ABCC4: variants seen among roughly 807,000 people sequenced by gnomAD.
ABCC4 encodes the protein ATP binding cassette subfamily C member 4 (PEL blood group), also known as ATP-binding cassette sub-family C member 4.
In ABCC4, 102 loss-of-function variants were observed where a neutral mutation model predicts 168.5. The ratio of observed to expected loss-of-function variants is 0.61; its 90% CI spans 0.52 to 0.71. The LOEUF (loss-of-function observed/expected upper bound fraction) is 0.71, where lower values mean the gene tolerates loss of function less well. Ranked by LOEUF, ABCC4 falls within the 30% of genes least tolerant of loss-of-function variation. The pLI, the probability that ABCC4 is intolerant of heterozygous loss-of-function variation, is 0.00. For synonymous variants in ABCC4, 617 were observed against 590.7 expected, an observed-to-expected ratio of 1.04 and a Z score of -0.65; for missense variants, 1,402 against 1,605.8, an observed-to-expected ratio of 0.87 and a Z score of 2.17.
chr13:95,140,967 T>C (rs2036300510), intron 19 of ABCC4, among the ~76,000 whole-genome samples: 1 of 152,230 alleles, frequency 6.6e-6, no homozygotes, highest in South Asian at 2.1e-4. Flanking sequence ...CTTAACTGTG[T>C]TCTCACCAGC....
At chr13:95,182,059 G>C (rs2037914254) in intron 11 of ABCC4, among the ~76,000 whole-genome samples, 1 of 152,040 alleles carries the variant, frequency 6.6e-6, no homozygotes, top group African/African-American at 2.4e-5. Flanking sequence ...CAAAGTACTG[G>C]GATTACAGGT....
At chr13:95,081,228 TC>T (rs2034083686) in intron 21 of ABCC4, among the ~76,000 whole-genome samples, 1 of 150,686 alleles carries the variant, frequency 6.6e-6, no homozygotes, top group Non-Finnish European at 1.5e-5. Flanking sequence ...AGAGAGAAAA[TC>T]CTACACTGCT....
chr13:95,233,426 C>A (rs1036379898), intron 4 of ABCC4, among the ~76,000 whole-genome samples: 1 of 151,860 alleles, frequency 6.6e-6, no homozygotes, highest in Non-Finnish European at 1.5e-5. Context: ...GATGTTCTCA[C>A]TTATAAGTGG....
chr13:95,077,679 G>A (rs997686007), intron 21 of ABCC4, among the ~76,000 whole-genome samples: 12 of 138,794 alleles, frequency 8.6e-5, no homozygotes, highest in Middle Eastern at 3.6e-3. Flanking sequence ...TTTATAAAAT[G>A]ATGAGGGGGT....
At chr13:95,034,064 T>C (rs994130234) in intron 30 of ABCC4, among the ~76,000 whole-genome samples, 2 of 152,198 alleles carry the variant, frequency 1.3e-5, no homozygotes, top group African/African-American at 4.8e-5. Context: ...AGTGAGAGTA[T>C]TATGTAACAG....
At chr13:95,116,697 T>A (rs186901402) in intron 19 of ABCC4, among the ~76,000 whole-genome samples, 21 of 152,334 alleles carry the variant, frequency 1.4e-4, no homozygotes, top group African/African-American at 4.8e-4. Flanking sequence ...TCCCGTCAAG[T>A]AGAATCCAAG....
At chr13:95,155,341 G>A (rs1008826193) in intron 19 of ABCC4, among the ~76,000 whole-genome samples, 1 of 151,888 alleles carries the variant, frequency 6.6e-6, no homozygotes, top group Non-Finnish European at 1.5e-5. Flanking sequence ...ACCACGCCTG[G>A]CTAAAAGCTG....
chr13:95,299,565 AT>A (rs201848023), intron 1 of ABCC4, among the ~76,000 whole-genome samples: 3 of 150,384 alleles, frequency 2.0e-5, no homozygotes, highest in South Asian at 2.1e-4. Flanking sequence ...TTTTTTTGCG[AT>A]TTTTTTTTAG....
At chr13:95,177,835 T>C (rs1408800387) in intron 12 of ABCC4, 42 bp from the exon 13 acceptor site, 2 of 1,572,274 alleles carry the variant, frequency 1.3e-6, no homozygotes, top group South Asian at 1.1e-5. Context: ...CCCAGGAACA[T>C]GACAACTTTC....
At chr13:95,032,589 A>G (rs528850483) in intron 30 of ABCC4, among the ~76,000 whole-genome samples, 9 of 152,370 alleles carry the variant, frequency 5.9e-5, no homozygotes, top group African/African-American at 1.9e-4. Context: ...TAGGAGCTGA[A>G]GGCAACCTAG....
chr13:95,241,233 C>T (rs755508389), intron 3 of ABCC4, among the ~76,000 whole-genome samples: 14 of 151,366 alleles, frequency 9.2e-5, no homozygotes, highest in African/African-American at 2.4e-4. Flanking sequence ...GGTGTGGTGG[C>T]GCACACCTGT....
chr13:95,216,882 A>C (rs1453695589), intron 4 of ABCC4, among the ~76,000 whole-genome samples: 1 of 152,216 alleles, frequency 6.6e-6, no homozygotes, highest in Non-Finnish European at 1.5e-5. Flanking sequence ...TGTACGCCCT[A>C]GGAAATGAAG....
chr13:95,164,360 A>G lies in ABCC4; in HGVS notation c.2175+18T>C. ...GTAAATATCATTTTGAGGGCGCAAA[A>G]CAAATGTCATTATTTACCTGAGCTG... On this transcript the variant is annotated intron_variant, in intron 16 of 30. Transcript: ENST00000645237. The G allele has an allele frequency of 1.9e-6, 3 of 1,613,868 alleles. No homozygotes were observed. The highest frequency in any genetic ancestry group is 2.5e-6 in the Non-Finnish European group (3 of 1,179,852).
intron 10 of ABCC4, among the ~76,000 whole-genome samples, chr13:95,187,359 C>T (rs1259083741): frequency 6.6e-6 from 1 of 152,102 alleles, no homozygotes; most frequent in Non-Finnish European, 1.5e-5. Flanking sequence ...AATCCCAGCA[C>T]TTTGGGAGGC....
chr13:95,207,883 C>T lies in ABCC4; in HGVS notation c.828G>A (p.Met276Ile). The T allele has an allele frequency of 6.2e-7, 1 of 1,613,908 alleles. No individual in the cohort carries two copies. Among genetic ancestry groups the T allele is most frequent in the Non-Finnish European group, 8.5e-7 (1 of 1,179,960 alleles). ...ATFTDARIRT[M>I]NEVITGIRII... ...TCCTTATACCAGTTATAACTTCATT[C>T]ATGGTCCTGATCCTGGCATCCGTGA... Residue 276 changes from methionine (M) to isoleucine (I), a missense_variant, in exon 7 of 31, where the codon ATG becomes ATA. Met to Ile is a conservative substitution (Grantham distance 10). Coordinates refer to ENST00000645237, the MANE Select transcript of ABCC4 (RefSeq NM_005845.5).
chr13:95,210,585 C>A (rs1022765310), intron 5 of ABCC4, 107 bp downstream of exon 5: 251 of 896,170 alleles, frequency 2.8e-4, no homozygotes, highest in Non-Finnish European at 4.5e-5. Flanking sequence ...TATGATCCTG[C>A]CACTGCAATC....
At chr13:95,266,783 G>A (rs1023259405) in intron 1 of ABCC4, among the ~76,000 whole-genome samples, 1 of 150,952 alleles carries the variant, frequency 6.6e-6, no homozygotes, top group African/African-American at 2.4e-5. Context: ...TCTGTGCACT[G>A]CATTACCAGC....
chr13:95,223,984 T>C (rs1312081319), intron 4 of ABCC4, among the ~76,000 whole-genome samples: 2 of 151,888 alleles, frequency 1.3e-5, no homozygotes, highest in African/African-American at 4.8e-5. Flanking sequence ...AATATATATG[T>C]AATAGGAGTC....
intron 20 of ABCC4, among the ~76,000 whole-genome samples, chr13:95,104,312 C>T (rs908644140): frequency 6.6e-5 from 10 of 152,156 alleles, no homozygotes; most frequent in Non-Finnish European, 1.2e-4. Flanking sequence ...TGGGGCTTCG[C>T]CACATTGGTC....
Sources: allele counts gnomAD v4.1 joint callset (sites outside exome capture counted in the v4.1 genomes callset), GRCh38; gene constraint gnomAD v4.1.1; transcripts MANE v1.5; gene names NCBI Gene and HGNC (gene_info 2026-07-23, HGNC 2026-07-21).